The following ASGR1 variants were observed in gnomAD, a reference collection of about 807,000 sequenced individuals.
The protein encoded by ASGR1 is asialoglycoprotein receptor 1, also known as C-type lectin domain family 4 member H1.
ASGR1 carries 35 observed loss-of-function variants against 33.1 expected under a neutral mutation model. The ratio of observed to expected loss-of-function variants is 1.06; its 90% confidence interval spans 0.81 to 1.40. ASGR1 has a LOEUF of 1.40. Among genes scored for constraint, ASGR1 ranks in the 40% most tolerant of loss-of-function variants. ASGR1 has a pLI of 0.00. For synonymous variants in ASGR1, 142 were observed against 152.5 expected, an observed-to-expected ratio of 0.93 and a Z score of 0.51; for missense variants, 396 against 373.7, an observed-to-expected ratio of 1.06 and a Z score of -0.49.
At chr17:7,175,935 CCA>C (rs1427728085) in intron 5 of ASGR1, among the ~76,000 whole-genome samples, 5 of 140,068 alleles carry the variant, frequency 3.6e-5, no homozygotes, top group African/African-American at 5.4e-5. Flanking sequence ...TCTCATTCCC[CCA>C]CACACGCAAC....
In ASGR1 at chr17:7,176,261, TCA is replaced by T. The variant is rs965003939; in HGVS notation, c.355+567_355+568del. On this transcript the variant is annotated intron_variant, in intron 5 of 8. Coordinates refer to ENST00000269299, the MANE Select transcript of ASGR1 (RefSeq NM_001671.5). ...CAGACACACACACCCCATCTCATTC[TCA>T]CACTCACTCACACACCCCATCTCAT... Among the ~76,000 whole-genome samples, 6 of 131,534 alleles carry T rather than the reference TCA, an allele frequency of 4.6e-5. 1 individual carries two copies. The highest frequency in any genetic ancestry group is 6.4e-5 in the African/African-American group (2 of 31,014). 86.3% of individuals were successfully genotyped at this position (131,534 alleles called of 152,430 possible).
rs12951650 is a variant in ASGR1, at chr17:7,174,429, C to G, written c.387G>C (p.Gln129His). The change falls in exon 6 of 9, where the codon CAG (glutamine) becomes CAC (histidine). Residue 129 changes from glutamine to histidine, a missense_variant. Physicochemically the swap from Gln to His is conservative, Grantham distance 24. Coordinates refer to ENST00000269299, the MANE Select transcript of ASGR1 (RefSeq NM_001671.5). The stretch of plus-strand genomic sequence containing the variant: ...TCAGGCTCCGCAGGTCAGACACGAA[C>G]TGCTTCACGTGGAGCAGCAGGCTGG... ...DHSSLLLHVK[Q>H]FVSDLRSLSC... 2 of 1,613,650 alleles carry G rather than the reference C, an allele frequency of 1.2e-6. No homozygotes were observed. The highest frequency in any genetic ancestry group is 1.7e-6 in the Non-Finnish European group (2 of 1,179,884).
chr17:7,177,759 G>A (rs565417452), intron 2 of ASGR1: 14 of 181,010 alleles, frequency 7.7e-5, no homozygotes, highest in Non-Finnish European at 1.2e-4. Context: ...CGTGCAGGGA[G>A]AGAAGGTGCA....
Position 7,174,185 on chromosome 17 carries a change from G to C in ASGR1, c.547C>G (p.Arg183Gly), listed in dbSNP as rs369527058. The change falls in exon 7 of 9, where the codon CGG (arginine) becomes GGG (glycine). Residue 183 changes from arginine to glycine, a missense_variant. Arg to Gly is a moderately radical substitution (Grantham distance 125). Coordinates refer to ENST00000269299, the MANE Select transcript of ASGR1 (RefSeq NM_001671.5). ...KAWADADNYC[R>G]LEDAHLVVVT... ...ACCACCAGGTGCGCGTCCTCCAGCC[G>C]GCAGTAGTTGTCGGCGTCAGCCCAG... The C allele has an allele frequency of 1.1e-4, 178 of 1,614,072 alleles. No individual in the cohort carries two copies. Among genetic ancestry groups the C allele is most frequent in the Non-Finnish European group, 1.4e-4 (166 of 1,180,036 alleles).
At chr17:7,174,568 C>G in intron 5 of ASGR1, 108 bp from the exon 6 acceptor site, 1 of 1,134,318 alleles carries the variant, frequency 8.8e-7, no homozygotes, top group Non-Finnish European at 1.3e-6. Flanking sequence ...GAACACCCGT[C>G]GCATTGCCAC....
chr17:7,175,016 ACT>A (rs1016403798), intron 5 of ASGR1, among the ~76,000 whole-genome samples: 6 of 148,516 alleles, frequency 4.0e-5, no homozygotes, highest in African/African-American at 1.3e-4. Flanking sequence ...TCACATACAC[ACT>A]CACACAACAC....
intron 1 of ASGR1, 145 bp from the exon 2 acceptor site, chr17:7,178,733 CTTTTCT>C (rs1168746160): frequency 0.1 from 18,997 of 186,898 alleles, 110 homozygotes; most frequent in Non-Finnish European, 0.14. Context: ...TCTTTTTTTT[CTTTTCT>C]TTTTTTTTTT....
chr17:7,176,412 C>T (rs1291194425), intron 5 of ASGR1, among the ~76,000 whole-genome samples: 1 of 149,696 alleles, frequency 6.7e-6, no homozygotes, highest in East Asian at 2.0e-4. Context: ...TTATCACACT[C>T]ACAGACACAC....
intron 1 of ASGR1, chr17:7,178,874 C>A (rs967236896): frequency 3.9e-6 from 1 of 256,170 alleles, no homozygotes; most frequent in African/African-American, 2.3e-5. Context: ...GTAGCTGGGA[C>A]AACAGGTGCA....
intron 5 of ASGR1, among the ~76,000 whole-genome samples, chr17:7,175,213 C>T (rs111210287): frequency 0.02 from 3,030 of 150,090 alleles, 51 homozygotes; most frequent in South Asian, 0.083. Context: ...CACAACACAC[C>T]CTTACACACC....
intron 2 of ASGR1, 57 bp downstream of exon 2, chr17:7,178,437 G>C (rs561364325): frequency 3.3e-6 from 5 of 1,528,326 alleles, no homozygotes; most frequent in Non-Finnish European, 2.7e-6. Context: ...GCTGTGGCTG[G>C]GGGGTGGAGA....
chr17:7,176,448 C>G (rs1483220485), intron 5 of ASGR1, among the ~76,000 whole-genome samples: 1 of 151,270 alleles, frequency 6.6e-6, no homozygotes, highest in Non-Finnish European at 1.5e-5. Context: ...CTCTCACACA[C>G]ACTCCCTCTC....
intron 5 of ASGR1, among the ~76,000 whole-genome samples, chr17:7,175,864 A>C (rs2069194872): frequency 7.9e-6 from 1 of 125,890 alleles, no homozygotes; most frequent in African/African-American, 3.7e-5. Flanking sequence ...ACACACTCCC[A>C]CTCCTCACAC....
At chr17:7,175,266 C>T in intron 5 of ASGR1, among the ~76,000 whole-genome samples, 1 of 150,246 alleles carries the variant, frequency 6.7e-6, no homozygotes, top group East Asian at 2.0e-4. Context: ...CTCACACACA[C>T]ACACGGAACA....
At chr17:7,177,115 G>A in intron 3 of ASGR1, 39 bp from the exon 4 acceptor site, 1 of 1,613,054 alleles carries the variant, frequency 6.2e-7, no homozygotes, top group African/African-American at 1.3e-5. Context: ...AAACGGGATC[G>A]CTGTGTCCGC....
In ASGR1 at chr17:7,178,489, C is replaced by G. The variant is rs771154885; in HGVS notation, c.70+5G>C. On this transcript the variant is annotated splice_donor_5th_base_variant and intron_variant, in intron 2 of 8. Transcript: ENST00000269299. ...CTTGCAGAGGCAGGGCAAGGTGGCC[C>G]TCACCTTTTCTGAGCTGATGGTGGT... 6.2e-7 allele frequency: 1 copy of G among 1,613,812 alleles called. No homozygotes were observed. The highest frequency in any genetic ancestry group is 8.5e-7 in the Non-Finnish European group (1 of 1,179,716).
intron 1 of ASGR1, 132 bp from the exon 2 acceptor site, chr17:7,178,720 TTTTC>T: frequency 2.0e-6 from 1 of 500,942 alleles, no homozygotes; most frequent in Non-Finnish European, 3.3e-6. Flanking sequence ...TTTCTTTTCT[TTTTC>T]TTTTTTTTCT....
intron 2 of ASGR1, chr17:7,177,900 T>C (rs895281802): frequency 1.2e-5 from 2 of 161,124 alleles, no homozygotes; most frequent in Admixed American, 1.2e-4. Flanking sequence ...CCTCCTTCCG[T>C]CAAAGCGCGC....
At chr17:7,176,604 TCA>T (rs1432328203) in intron 5 of ASGR1, 4 of 592,336 alleles carry the variant, frequency 6.8e-6, no homozygotes, top group Non-Finnish European at 1.2e-5. Context: ...CATCTCATTC[TCA>T]CACTCACAGA....
Sources: allele counts gnomAD v4.1 joint callset (sites outside exome capture counted in the v4.1 genomes callset), GRCh38; gene constraint gnomAD v4.1.1; transcripts MANE v1.5; gene names NCBI Gene and HGNC (gene_info 2026-07-23, HGNC 2026-07-21).